Variants in SPAG16 observed in about 807,000 individuals in gnomAD.
SPAG16 encodes sperm-associated antigen 16 protein.
A neutral mutation model predicts 80.4 loss-of-function variants in SPAG16; 86 were observed. That is an observed-to-expected ratio of 1.07 (90% CI 0.90 to 1.28). The LOEUF is 1.28. Among genes scored for constraint, SPAG16 ranks in the 50% most tolerant of loss-of-function variants. The pLI, the probability that SPAG16 is intolerant of heterozygous loss-of-function variation, is 0.00. For missense variants in SPAG16, 870 were observed against 765.3 expected, an observed-to-expected ratio of 1.14 and a Z score of -1.61; for synonymous variants, 294 against 265.9, an observed-to-expected ratio of 1.11 and a Z score of -1.03.
At chr2:214,026,165 C>T (rs1318915973) in intron 13 of SPAG16, among the ~76,000 whole-genome samples, 2 of 151,418 alleles carry the variant, frequency 1.3e-5, no homozygotes, top group African/African-American at 4.8e-5. Flanking sequence ...GTTACTTTGC[C>T]TTACTGTTAG....
At chr2:214,006,384 G>A (rs1321240237) in intron 12 of SPAG16, among the ~76,000 whole-genome samples, 1 of 152,170 alleles carries the variant, frequency 6.6e-6, no homozygotes, top group Non-Finnish European at 1.5e-5. Context: ...TTTAAATAAA[G>A]ATGTATCTGA....
At chr2:213,756,635 C>T (rs2068349866) in intron 10 of SPAG16, among the ~76,000 whole-genome samples, 1 of 152,180 alleles carries the variant, frequency 6.6e-6, no homozygotes, top group Non-Finnish European at 1.5e-5. Flanking sequence ...CCAGACTTTT[C>T]CAAACATGTT....
At chr2:213,529,362 C>T (rs1244377995) in intron 10 of SPAG16, among the ~76,000 whole-genome samples, 1 of 152,188 alleles carries the variant, frequency 6.6e-6, no homozygotes, top group African/African-American at 2.4e-5. Context: ...TGTATTAAAC[C>T]CTGCATTATG....
chr2:214,041,650 AATTTCCAAAGGGCACTT>A (rs2049014556), intron 13 of SPAG16, among the ~76,000 whole-genome samples: 1 of 151,392 alleles, frequency 6.6e-6, no homozygotes, highest in Non-Finnish European at 1.5e-5. Flanking sequence ...TTCACCATAT[AATTTCCAAAGGGCACTT>A]ATTTCTTGCT....
chr2:214,076,356 A>G (rs1362070408), intron 13 of SPAG16, among the ~76,000 whole-genome samples: 1 of 152,206 alleles, frequency 6.6e-6, no homozygotes, highest in African/African-American at 2.4e-5. Flanking sequence ...TTACACTAAT[A>G]TTCATCCAGA....
chr2:213,358,981 G>A (rs2065827883), intron 7 of SPAG16, among the ~76,000 whole-genome samples: 1 of 152,148 alleles, frequency 6.6e-6, no homozygotes, highest in Non-Finnish European at 1.5e-5. Context: ...TGCTATTTCT[G>A]TTTGTTAGTT....
intron 8 of SPAG16, among the ~76,000 whole-genome samples, chr2:213,370,027 A>G (rs2066546407): frequency 6.6e-6 from 1 of 152,204 alleles, no homozygotes; most frequent in Non-Finnish European, 1.5e-5. Context: ...TCACTGCCCT[A>G]AAAACCTTTT....
chr2:213,718,245 A>G (rs2066332277), intron 10 of SPAG16, among the ~76,000 whole-genome samples: 1 of 152,150 alleles, frequency 6.6e-6, no homozygotes, highest in South Asian at 2.1e-4. Context: ...CCAATAAACA[A>G]ATGAAAAAAG....
intron 15 of SPAG16, among the ~76,000 whole-genome samples, chr2:214,188,079 C>T (rs2057537832): frequency 6.6e-6 from 1 of 152,122 alleles, no homozygotes; most frequent in Admixed American, 6.6e-5. Context: ...TGCCCCTCCT[C>T]TGCCCATATC....
chr2:213,801,942 T>G (rs1368983562), intron 10 of SPAG16, among the ~76,000 whole-genome samples: 2 of 152,198 alleles, frequency 1.3e-5, no homozygotes, highest in Admixed American at 1.3e-4. Flanking sequence ...AAACGCCAAG[T>G]CACATTATAA....
At chr2:213,312,346 G>T (rs1343463420) in intron 4 of SPAG16, among the ~76,000 whole-genome samples, 1 of 151,398 alleles carries the variant, frequency 6.6e-6, no homozygotes, top group Non-Finnish European at 1.5e-5. Flanking sequence ...ATTTCTCAGG[G>T]GGGAAAAATT....
chr2:213,510,584 T>C (rs1378197851), intron 10 of SPAG16, among the ~76,000 whole-genome samples: 1 of 152,136 alleles, frequency 6.6e-6, no homozygotes, highest in Non-Finnish European at 1.5e-5. Context: ...CAACTTTAAC[T>C]TGGATATTTG....
chr2:213,806,101 A>C (rs1488281279), intron 10 of SPAG16, among the ~76,000 whole-genome samples: 3 of 152,208 alleles, frequency 2.0e-5, no homozygotes, highest in Non-Finnish European at 4.4e-5. Context: ...GTCAGCATGC[A>C]ACATTATTAA....
chr2:213,812,196 A>G (rs985982749), intron 10 of SPAG16, among the ~76,000 whole-genome samples: 1 of 152,210 alleles, frequency 6.6e-6, no homozygotes, highest in Non-Finnish European at 1.5e-5. Flanking sequence ...GCTTGAAATC[A>G]TGTCAAGGCA....
chr2:213,984,354 G>C (rs1035159331), intron 12 of SPAG16, among the ~76,000 whole-genome samples: 1 of 151,988 alleles, frequency 6.6e-6, no homozygotes, highest in Non-Finnish European at 1.5e-5. Flanking sequence ...ACATCCATAA[G>C]TGCAACCAAA....
intron 9 of SPAG16, among the ~76,000 whole-genome samples, chr2:213,455,539 C>A (rs1394773467): frequency 2.6e-5 from 4 of 152,130 alleles, no homozygotes; most frequent in African/African-American, 7.2e-5. Flanking sequence ...TCAGCAGTCC[C>A]CAGACTTTTC....
chr2:214,090,667 C>T (rs2052127458), intron 13 of SPAG16, among the ~76,000 whole-genome samples: 1 of 151,966 alleles, frequency 6.6e-6, no homozygotes, highest in Non-Finnish European at 1.5e-5. Flanking sequence ...CAGATCTCAG[C>T]TCAAATATAA....
chr2:214,198,006 A>G (rs2057895707), intron 15 of SPAG16, among the ~76,000 whole-genome samples: 1 of 152,048 alleles, frequency 6.6e-6, no homozygotes, highest in South Asian at 2.1e-4. Context: ...CAATGACTCC[A>G]CAAATAAATC....
chr2:213,870,414 T>C (rs2075902171), intron 11 of SPAG16, among the ~76,000 whole-genome samples: 1 of 152,184 alleles, frequency 6.6e-6, no homozygotes, highest in African/African-American at 2.4e-5. Flanking sequence ...TAGATAAATT[T>C]ATGTATTATA....
Sources: allele counts gnomAD v4.1 joint callset (sites outside exome capture counted in the v4.1 genomes callset), GRCh38; gene constraint gnomAD v4.1.1; transcripts MANE v1.5; gene names NCBI Gene and HGNC (gene_info 2026-07-23, HGNC 2026-07-21).